The following CRTC3 variants were observed in gnomAD, a reference collection of about 807,000 sequenced individuals.
CRTC3 encodes CREB-regulated transcription coactivator 3.
In CRTC3, 26 loss-of-function variants were observed where a neutral mutation model predicts 74.5. That is an observed-to-expected ratio of 0.35 (90% CI 0.26 to 0.48). The LOEUF (loss-of-function observed/expected upper bound fraction) is 0.48, where lower values mean the gene tolerates loss of function less well. Ranked by LOEUF, CRTC3 falls within the 20% of genes least tolerant of loss-of-function variation. The pLI is 0.99. For synonymous variants in CRTC3, 377 were observed against 325.8 expected (o/e 1.16, Z -1.69); for missense variants, 760 against 787.3 (o/e 0.97, Z 0.41).
Position 90,530,238 on chromosome 15 carries a change from A to AC in CRTC3, c.132+36dup, listed in dbSNP as rs1966603049. On this transcript the variant is annotated intron_variant, in intron 1 of 14. Transcript: ENST00000268184. This position sits in a 1 kb window ranked among gnomAD's most constrained non-coding sequence, Gnocchi z 6.2. ...CGGGCCGGCGCGGGCGGGGGCGGCCACGGCCGCGGGCGGGACCCGCGCGGC... is the reference window on the plus strand; with the variant it reads ...CGGGCCGGCGCGGGCGGGGGCGGCCACCGGCCGCGGGCGGGACCCGCGCGGC... The AC allele has an allele frequency of 3.0e-6, 2 of 656,166 alleles. No homozygotes were observed. The highest frequency in any genetic ancestry group is 3.0e-5 in the African/African-American group (1 of 33,726). 40.6% of individuals were successfully genotyped at this position (656,166 alleles called of 1,614,324 possible). A position where few individuals can be genotyped will look rare whatever the true frequency, so the allele number is the denominator to read the frequency against.
At chr15:90,627,621 C>G (rs1250103293) in intron 10 of CRTC3, among the ~76,000 whole-genome samples, 1 of 144,634 alleles carries the variant, frequency 6.9e-6, no homozygotes, top group African/African-American at 2.5e-5. Context: ...TCTGTATTTT[C>G]TTTTTTTTTT....
At chr15:90,606,503 A>T (rs1230625650) in intron 5 of CRTC3, among the ~76,000 whole-genome samples, 3 of 152,058 alleles carry the variant, frequency 2.0e-5, no homozygotes, top group African/African-American at 7.2e-5. Context: ...CAGATGTTGC[A>T]GTGAGCCGAG....
intron 2 of CRTC3, among the ~76,000 whole-genome samples, chr15:90,557,488 A>G (rs930130595): frequency 6.6e-6 from 1 of 152,146 alleles, no homozygotes; most frequent in Admixed American, 6.6e-5. Flanking sequence ...CCAGCCCCCA[A>G]CTAAGGTCTC....
intron 3 of CRTC3, among the ~76,000 whole-genome samples, chr15:90,601,298 A>G (rs948826671): frequency 2.6e-5 from 4 of 152,106 alleles, no homozygotes; most frequent in African/African-American, 9.7e-5. Context: ...AGTGCCCCCA[A>G]CAACACTGGA....
At chr15:90,608,062 C>A (rs1344572563) in intron 6 of CRTC3, among the ~76,000 whole-genome samples, 1 of 152,038 alleles carries the variant, frequency 6.6e-6, no homozygotes, top group Non-Finnish European at 1.5e-5. Flanking sequence ...GAGGGTGGAG[C>A]AGAGGCCTGC....
chr15:90,629,965 C>T (rs1968979432), intron 11 of CRTC3, among the ~76,000 whole-genome samples: 1 of 152,164 alleles, frequency 6.6e-6, no homozygotes, highest in South Asian at 2.1e-4. Flanking sequence ...CTCAAGCCAT[C>T]CTCCCAGCGT....
chr15:90,552,118 C>T (rs553906908), intron 2 of CRTC3, among the ~76,000 whole-genome samples: 11 of 152,106 alleles, frequency 7.2e-5, no homozygotes, highest in African/African-American at 1.2e-4. Flanking sequence ...AAATGTTTCC[C>T]GAGCGCCTGC....
chr15:90,543,700 G>A (rs1343623253), intron 2 of CRTC3, among the ~76,000 whole-genome samples: 2 of 152,096 alleles, frequency 1.3e-5, no homozygotes, highest in Non-Finnish European at 2.9e-5. Context: ...GAGTCCCAGA[G>A]CACAGATTTT....
intron 2 of CRTC3, among the ~76,000 whole-genome samples, chr15:90,575,797 T>C (rs1373087329): frequency 1.3e-5 from 2 of 152,224 alleles, no homozygotes; most frequent in African/African-American, 4.8e-5. Flanking sequence ...TAGGCTATTC[T>C]TGCATGTTTA....
intron 2 of CRTC3, among the ~76,000 whole-genome samples, chr15:90,585,497 T>C (rs930115403): frequency 6.6e-6 from 1 of 152,082 alleles, no homozygotes; most frequent in Non-Finnish European, 1.5e-5. Flanking sequence ...TCAGTACAAA[T>C]CTGTGTAAAA....
intron 2 of CRTC3, among the ~76,000 whole-genome samples, chr15:90,564,949 C>CCTTG: frequency 1.6e-5 from 1 of 62,682 alleles, no homozygotes; most frequent in African/African-American, 4.7e-5. Flanking sequence ...TTCCTTCCTT[C>CCTTG]CTTCCTTCCT....
chr15:90,643,056 G>A lies in CRTC3; in HGVS notation c.*916G>A, dbSNP rs554478131. 1 of 232,286 alleles carries A rather than the reference G, an allele frequency of 4.3e-6. No individual in the cohort carries two copies. The highest frequency in any genetic ancestry group is 1.8e-4 in the South Asian group (1 of 5,516). 14.4% of individuals were successfully genotyped at this position (232,286 alleles called of 1,614,324 possible). On this transcript the variant is annotated 3_prime_UTR_variant, in exon 15 of 15. Coordinates refer to ENST00000268184, the MANE Select transcript of CRTC3 (RefSeq NM_022769.5). ...AGCTTCCCCATCCCTCCCCAGAGCT[G>A]TGTCTCTGTGGGCTGGGAGTCTAAT...
rs187055650 is a variant in CRTC3, at chr15:90,546,711, C to T, written c.231+6574C>T. Among the ~76,000 whole-genome samples, 57 of 152,264 alleles carry T rather than the reference C, an allele frequency of 3.7e-4. No homozygotes were observed. The East Asian group carries it at 8.5e-3, about 23-fold the overall frequency. Reference sequence around the variant, plus strand: ...GATCTCCACTCACTGCAAGCTCTGCCCCCTGGGTTCATGCCATTCTCCTGC... The same window carrying T: ...GATCTCCACTCACTGCAAGCTCTGCTCCCTGGGTTCATGCCATTCTCCTGC... On this transcript the variant is annotated intron_variant, in intron 2 of 14. Coordinates refer to ENST00000268184, the MANE Select transcript of CRTC3 (RefSeq NM_022769.5).
At position 90,642,181 on chromosome 15, in the gene CRTC3, C is replaced by CA. The variant is rs1969474008; in HGVS notation, c.*41_*42insA. The CA allele has an allele frequency of 1.9e-6, 3 of 1,558,848 alleles. No homozygotes were observed. The highest frequency in any genetic ancestry group is 2.7e-6 in the Non-Finnish European group (3 of 1,131,024). ...ACAGAAGAATGTTTTTCTGCAACAG[C>CA]CAAAATAGAATGGAATAGAATGAAG... On this transcript the variant is annotated 3_prime_UTR_variant, in exon 15 of 15. Coordinates refer to ENST00000268184, the MANE Select transcript of CRTC3 (RefSeq NM_022769.5).
intron 5 of CRTC3, among the ~76,000 whole-genome samples, chr15:90,605,253 A>C (rs889167470): frequency 1.3e-5 from 2 of 152,162 alleles, no homozygotes. Context: ...CGCTGTCTCA[A>C]AATAAAAAAG....
Position 90,643,485 on chromosome 15 carries a change from T to A in CRTC3, c.*1345T>A. The A allele has an allele frequency of 4.4e-6, 1 of 229,240 alleles. No individual in the cohort carries two copies. 14.2% of individuals were successfully genotyped at this position (229,240 alleles called of 1,614,324 possible). On this transcript the variant is annotated 3_prime_UTR_variant, in exon 15 of 15. Coordinates refer to ENST00000268184, the MANE Select transcript of CRTC3 (RefSeq NM_022769.5). ...AGGTGAGTGCCCTGAGCATCCTGGC[T>A]GGGCCCCACCCAGGAAGATCTTCCT...
chr15:90,622,402 T>C (rs377726047), intron 9 of CRTC3, among the ~76,000 whole-genome samples: 183 of 152,274 alleles, frequency 1.2e-3, no homozygotes, highest in African/African-American at 4.1e-3. Context: ...GCGCCCCTGC[T>C]CTCTCTGCCT....
At chr15:90,636,417 T>C (rs1278360495) in intron 11 of CRTC3, among the ~76,000 whole-genome samples, 2 of 148,562 alleles carry the variant, frequency 1.3e-5, no homozygotes, top group Admixed American at 1.3e-4. Flanking sequence ...CAAGATGGAT[T>C]AAAGACTTAA....
intron 10 of CRTC3, among the ~76,000 whole-genome samples, chr15:90,628,134 G>A (rs902352686): frequency 2.0e-5 from 3 of 151,268 alleles, no homozygotes; most frequent in African/African-American, 4.9e-5. Flanking sequence ...GGAGAATGGC[G>A]TGAACCCGGG....
Sources: allele counts gnomAD v4.1 joint callset (sites outside exome capture counted in the v4.1 genomes callset), GRCh38; gene constraint gnomAD v4.1.1; non-coding constraint Gnocchi (gnomAD v3.1); transcripts MANE v1.5; gene names NCBI Gene and HGNC (gene_info 2026-07-23, HGNC 2026-07-21).